Variants in ROBO2 observed in about 807,000 individuals in gnomAD.
ROBO2 encodes the protein roundabout homolog 2.
A neutral mutation model predicts 160.8 loss-of-function variants in ROBO2; 53 were observed. The observed-to-expected ratio is 0.33, with a 90% CI of 0.26 to 0.41. ROBO2 has a LOEUF of 0.41. Among genes scored for constraint, ROBO2 ranks in the 10% least tolerant of loss-of-function variants. The probability of loss-of-function intolerance (pLI) is 1.00; values close to 1 mark genes in which losing one functional copy is unlikely to be tolerated. For synonymous variants in ROBO2, 664 were observed against 611.7 expected (o/e 1.09, Z -1.26); for missense variants, 1,577 against 1,722.4 (o/e 0.92, Z 1.49).
chr3:77,285,225 G>A (rs1272213872), intron 2 of ROBO2, among the ~76,000 whole-genome samples: 1 of 152,116 alleles, frequency 6.6e-6, no homozygotes, highest in African/African-American at 2.4e-5. Context: ...ACAGGGCTAT[G>A]TTCACTTTCT....
chr3:76,009,515 T>C (rs964141313), intron 2 of ROBO2, among the ~76,000 whole-genome samples: 2 of 152,200 alleles, frequency 1.3e-5, no homozygotes, highest in Non-Finnish European at 2.9e-5. Flanking sequence ...TGGGGTAGCA[T>C]GTTCTGAACC....
intron 2 of ROBO2, among the ~76,000 whole-genome samples, chr3:77,116,899 C>T (rs1303665967): frequency 2.6e-5 from 4 of 152,324 alleles, no homozygotes; most frequent in Non-Finnish European, 4.4e-5. Flanking sequence ...GCACCTCTGA[C>T]ATCTGGCCTC....
chr3:76,008,232 C>CAA lies in ROBO2; in HGVS notation c.109+70651_109+70652dup, dbSNP rs5850225. Among the ~76,000 whole-genome samples, 148 of 82,220 alleles carry CAA rather than the reference C, an allele frequency of 1.8e-3. 3 individuals carry two copies. The highest frequency in any genetic ancestry group is 5.5e-3 in the African/African-American group (122 of 22,242). 53.9% of individuals were successfully genotyped at this position (82,220 alleles called of 152,430 possible). ...ACTGAGTGACAGAGCAAGACTCTGT[C>CAA]AAAAAAAAAAAAAAAAAAAAAAGAA... On this transcript the variant is annotated intron_variant, in intron 2 of 26. Transcript: ENST00000487694.
intron 2 of ROBO2, among the ~76,000 whole-genome samples, chr3:76,449,354 G>A (rs1274248772): frequency 1.3e-5 from 2 of 152,040 alleles, no homozygotes; most frequent in Non-Finnish European, 2.9e-5. Context: ...ACTCCACTGT[G>A]TAGAACACTA....
chr3:77,411,424 T>G (rs2153522329), intron 2 of ROBO2, among the ~76,000 whole-genome samples: 1 of 152,324 alleles, frequency 6.6e-6, no homozygotes, highest in Admixed American at 6.5e-5. Context: ...GCATTATATG[T>G]GTCAACTTTT....
intron 2 of ROBO2, among the ~76,000 whole-genome samples, chr3:77,259,902 C>T (rs1039673305): frequency 5.0e-4 from 76 of 152,144 alleles, no homozygotes; most frequent in African/African-American, 1.7e-3. Context: ...TGTATTTTTA[C>T]GGCAGCACCA....
intron 12 of ROBO2, among the ~76,000 whole-genome samples, chr3:77,566,534 G>C (rs1002126505): frequency 6.6e-6 from 1 of 152,054 alleles, no homozygotes; most frequent in South Asian, 2.1e-4. Context: ...ATACCTTTGT[G>C]CATAGAAATA....
chr3:77,640,211 A>C (rs2095329885), intron 24 of ROBO2, among the ~76,000 whole-genome samples: 2 of 141,334 alleles, frequency 1.4e-5, no homozygotes, highest in Non-Finnish European at 3.0e-5. Context: ...TCCCGGGTTC[A>C]CGCCATTCTC....
At chr3:76,911,633 G>C (rs2075996798) in intron 2 of ROBO2, among the ~76,000 whole-genome samples, 1 of 152,060 alleles carries the variant, frequency 6.6e-6, no homozygotes, top group African/African-American at 2.4e-5. Context: ...ATTTTTCCTA[G>C]GTTCTCAGAT....
intron 2 of ROBO2, among the ~76,000 whole-genome samples, chr3:76,788,586 G>A (rs2063147384): frequency 6.6e-6 from 1 of 151,460 alleles, no homozygotes; most frequent in African/African-American, 2.4e-5. Flanking sequence ...ATTAGACTGT[G>A]AAATTACTTT....
chr3:76,670,142 A>C (rs1347458552), intron 2 of ROBO2, among the ~76,000 whole-genome samples: 1 of 152,166 alleles, frequency 6.6e-6, no homozygotes, highest in Non-Finnish European at 1.5e-5. Flanking sequence ...TATAATTTTT[A>C]GATAGATACA....
At chr3:76,011,554 G>A (rs71315329) in intron 2 of ROBO2, among the ~76,000 whole-genome samples, 86 of 152,258 alleles carry the variant, frequency 5.6e-4, no homozygotes, top group Non-Finnish European at 9.8e-4. Context: ...CTCTGCAAGT[G>A]GTAAGCATTC....
chr3:76,433,521 A>G (rs908521264), intron 2 of ROBO2, among the ~76,000 whole-genome samples: 1 of 152,240 alleles, frequency 6.6e-6, no homozygotes, highest in African/African-American at 2.4e-5. Context: ...CATTCTTTCT[A>G]TGTGTTATTT....
intron 1 of ROBO2, among the ~76,000 whole-genome samples, chr3:77,048,734 A>G (rs889995116): frequency 2.6e-4 from 39 of 152,334 alleles, no homozygotes; most frequent in African/African-American, 8.2e-4. Flanking sequence ...ACTTTTTATA[A>G]TTATCCATTA....
rs34047566 is a variant in ROBO2, at chr3:76,639,464, TCACACA to T, written c.110-458529_110-458524del. 6.0e-5 allele frequency among the ~76,000 whole-genome samples: 9 copies of T among 149,202 alleles called. No homozygotes were observed. The East Asian group carries it at 9.9e-4, about 16-fold the overall frequency. On this transcript the variant is annotated intron_variant, in intron 2 of 26. Coordinates refer to the ROBO2 transcript ENST00000487694. Reference sequence around the variant, plus strand: ...TATATATAAGTGTACCTACACTCTCTCACACACACACACACACACACACACATATCC... The same window carrying T: ...TATATATAAGTGTACCTACACTCTCTCACACACACACACACACACATATCC...
chr3:76,563,364 C>G (rs1487132239), intron 2 of ROBO2, among the ~76,000 whole-genome samples: 1 of 152,126 alleles, frequency 6.6e-6, no homozygotes, highest in Non-Finnish European at 1.5e-5. Flanking sequence ...ACCTACCACA[C>G]CTTTTCCATG....
At chr3:76,573,683 T>C (rs933473322) in intron 2 of ROBO2, among the ~76,000 whole-genome samples, 4 of 152,096 alleles carry the variant, frequency 2.6e-5, no homozygotes, top group African/African-American at 9.7e-5. Flanking sequence ...ATAATTTATA[T>C]AGTTTTAAAA....
chr3:76,330,015 A>T (rs2073360296), intron 2 of ROBO2, among the ~76,000 whole-genome samples: 1 of 152,032 alleles, frequency 6.6e-6, no homozygotes, highest in South Asian at 2.1e-4. Context: ...AAAACATAGT[A>T]CTTAAATATT....
intron 1 of ROBO2, among the ~76,000 whole-genome samples, chr3:77,050,912 G>A (rs1368931330): frequency 4.0e-5 from 6 of 151,824 alleles, no homozygotes; most frequent in African/African-American, 9.7e-5. Flanking sequence ...CAGCTACTTG[G>A]GAGGCTGAGG....
Sources: allele counts gnomAD v4.1 joint callset (sites outside exome capture counted in the v4.1 genomes callset), GRCh38; gene constraint gnomAD v4.1.1; transcripts MANE v1.5; gene names NCBI Gene and HGNC (gene_info 2026-07-23, HGNC 2026-07-21).